The following CHD2 variants were observed in gnomAD, a reference collection of about 807,000 sequenced individuals.
CHD2 encodes chromodomain helicase DNA binding protein 2.
A neutral mutation model predicts 243.9 loss-of-function variants in CHD2; 28 were observed. The observed-to-expected ratio is 0.11, with a 90% CI of 0.09 to 0.16. The LOEUF (loss-of-function observed/expected upper bound fraction) is 0.16, where lower values mean the gene tolerates loss of function less well. Among genes scored for constraint, CHD2 ranks in the 10% least tolerant of loss-of-function variants. The pLI is 1.00. For missense variants in CHD2, 1,386 were observed against 2,209.8 expected (o/e 0.63, Z 7.47); for synonymous variants, 775 against 779.0 (o/e 0.99, Z 0.09).
At chr15:92,935,015 G>A (rs1446493179) in intron 5 of CHD2, among the ~76,000 whole-genome samples, 1 of 146,694 alleles carries the variant, frequency 6.8e-6, no homozygotes, top group African/African-American at 2.5e-5. Flanking sequence ...GATTTGCTAA[G>A]TTTTTTTTTT....
chr15:92,998,427 G>T lies in CHD2; in HGVS notation c.3886-72G>T. On this transcript the variant is annotated intron_variant, in intron 30 of 38. Coordinates refer to ENST00000394196, the MANE Select transcript of CHD2 (RefSeq NM_001271.4). The surrounding 1 kb of genome is among the most constrained non-coding windows in gnomAD (Gnocchi z 5.1). ...GAAAGGACTGTGCTCAGTTTTTGTTGTCTCTGTTTATCCTGATCCACTAAC... is the reference window on the plus strand; with the variant it reads ...GAAAGGACTGTGCTCAGTTTTTGTTTTCTCTGTTTATCCTGATCCACTAAC... 2.5e-6 allele frequency: 4 copies of T among 1,580,836 alleles called. No homozygotes were observed. Among genetic ancestry groups the T allele is most frequent in the Admixed American group, 1.8e-5 (1 of 56,996 alleles).
intron 2 of CHD2, among the ~76,000 whole-genome samples, chr15:92,907,078 C>G (rs2052637292): frequency 6.6e-6 from 1 of 152,086 alleles, no homozygotes; most frequent in African/African-American, 2.4e-5. Flanking sequence ...TCACATTTGT[C>G]TTATGACCCT....
intron 4 of CHD2, 143 bp downstream of exon 4, chr15:92,927,473 G>A (rs969883268): frequency 1.8e-6 from 1 of 566,870 alleles, no homozygotes; most frequent in African/African-American, 1.9e-5. Context: ...TCTATGACCA[G>A]ATACAGTAAG....
chr15:92,911,038 A>G (rs2052724776), intron 2 of CHD2, among the ~76,000 whole-genome samples: 1 of 152,206 alleles, frequency 6.6e-6, no homozygotes, highest in Admixed American at 6.5e-5. Context: ...AAAATACAGT[A>G]TTACAGTCTT....
chr15:93,010,410 ATTTTTTT>A (rs34163529), intron 35 of CHD2, among the ~76,000 whole-genome samples: 4 of 143,044 alleles, frequency 2.8e-5, no homozygotes, highest in African/African-American at 1.0e-4. Flanking sequence ...ATGACTGGAA[ATTTTTTT>A]TTTTTTTTTT....
chr15:92,918,191 C>T (rs909851492), intron 2 of CHD2, among the ~76,000 whole-genome samples: 3 of 152,142 alleles, frequency 2.0e-5, no homozygotes, highest in African/African-American at 7.2e-5. Flanking sequence ...TTTCAAAGTC[C>T]AGTTCCAAGA....
chr15:92,914,508 T>A (rs1193186090), intron 2 of CHD2, among the ~76,000 whole-genome samples: 1 of 152,238 alleles, frequency 6.6e-6, no homozygotes, highest in Admixed American at 6.5e-5. Flanking sequence ...AGAAGTAGTA[T>A]GCATGATGAG....
Position 92,956,453 on chromosome 15 carries a change from CT to C in CHD2, c.1810-3del. 1 of 1,607,484 alleles carries C rather than the reference CT, an allele frequency of 6.2e-7. No homozygotes were observed. The highest frequency in any genetic ancestry group is 8.5e-7 in the Non-Finnish European group (1 of 1,178,210). On this transcript the variant is annotated splice_region_variant and splice_polypyrimidine_tract_variant and intron_variant, in intron 15 of 38. Transcript: ENST00000394196. ...GGTGGCTCGTTCTGTTTTGTTTTTA[CT>C]TTAGACTGTGCTGGGCAGTATTAAC...
intron 18 of CHD2, 68 bp downstream of exon 18, chr15:92,971,995 A>G (rs2053847663): frequency 2.0e-6 from 3 of 1,490,176 alleles, no homozygotes; most frequent in Non-Finnish European, 2.7e-6. Flanking sequence ...TTTCATCAGA[A>G]TGCTCTATTT....
chr15:92,902,783 C>T (rs909777915), intron 2 of CHD2: 2 of 152,178 alleles, frequency 1.3e-5, no homozygotes, highest in Non-Finnish European at 2.9e-5. Context: ...AGATTCAGCA[C>T]TAAAATTGTT....
At chr15:92,956,384 A>C in intron 15 of CHD2, 75 bp from the exon 16 acceptor site, 1 of 1,010,420 alleles carries the variant, frequency 9.9e-7, no homozygotes, top group Non-Finnish European at 1.5e-6. Context: ...ATTTATACAG[A>C]GATAATTAAC....
intron 34 of CHD2, among the ~76,000 whole-genome samples, chr15:93,006,222 G>A (rs932202167): frequency 2.0e-5 from 3 of 151,048 alleles, no homozygotes; most frequent in African/African-American, 7.3e-5. Flanking sequence ...TGCCTCTCCG[G>A]TTCAAGCAGT....
chr15:92,998,090 A>T lies in CHD2; in HGVS notation c.3886-409A>T. 1.5e-6 allele frequency: 1 copy of T among 678,408 alleles called. No individual in the cohort carries two copies. The highest frequency in any genetic ancestry group is 1.8e-6 in the Non-Finnish European group (1 of 543,892). The allele number at this position is 678,408 out of a possible 1,614,324, so 42.0% of individuals were successfully genotyped here. A position where few individuals can be genotyped will look rare whatever the true frequency, so the allele number is the denominator to read the frequency against. The stretch of plus-strand genomic sequence containing the variant: ...AACAGATCATGTCCTGGCGTAGCTC[A>T]GTGCTCTCCGGCAATGCTCTAAGAA... On this transcript the variant is annotated intron_variant, in intron 30 of 38. Coordinates refer to ENST00000394196, the MANE Select transcript of CHD2 (RefSeq NM_001271.4). This position sits in a 1 kb window ranked among gnomAD's most constrained non-coding sequence, Gnocchi z 5.1.
At position 92,970,928 on chromosome 15, in the gene CHD2, A is replaced by G. The variant is rs141362541; in HGVS notation, c.2190-837A>G. ...CTATTTTGGAGTTTGTGGTTAAGGA[A>G]TATACATGGGTATACATGAATATAT... On this transcript the variant is annotated intron_variant, in intron 17 of 38. Coordinates refer to ENST00000394196, the MANE Select transcript of CHD2 (RefSeq NM_001271.4). Among the ~76,000 whole-genome samples, 242 of 152,356 alleles carry G rather than the reference A, an allele frequency of 1.6e-3. 3 individuals carry two copies. Among genetic ancestry groups the G allele is most frequent in the African/African-American group, 5.5e-3 (230 of 41,580 alleles).
intron 33 of CHD2, among the ~76,000 whole-genome samples, chr15:93,003,481 A>C (rs1365775713): frequency 6.6e-6 from 1 of 152,152 alleles, no homozygotes; most frequent in Non-Finnish European, 1.5e-5. Flanking sequence ...AAAATATTAA[A>C]AAAATAAAAA....
intron 33 of CHD2, 48 bp downstream of exon 33, chr15:93,002,365 C>A: frequency 1.3e-6 from 2 of 1,564,010 alleles, no homozygotes; most frequent in South Asian, 1.2e-5. Context: ...CTTTGCAATT[C>A]GCCATTTGGA....
At chr15:92,974,319 T>C (rs893600307) in intron 19 of CHD2, among the ~76,000 whole-genome samples, 1 of 152,226 alleles carries the variant, frequency 6.6e-6, no homozygotes, top group East Asian at 1.9e-4. Context: ...TTGAACACTT[T>C]ACTATGATTT....
intron 20 of CHD2, among the ~76,000 whole-genome samples, chr15:92,976,310 A>G (rs2053907517): frequency 6.6e-6 from 1 of 152,184 alleles, no homozygotes; most frequent in South Asian, 2.1e-4. Context: ...AAAAAACTAA[A>G]TATTTATTGT....
At chr15:92,909,214 T>C (rs2052682309) in intron 2 of CHD2, among the ~76,000 whole-genome samples, 1 of 152,202 alleles carries the variant, frequency 6.6e-6, no homozygotes, top group African/African-American at 2.4e-5. Flanking sequence ...CTTTAAGCTC[T>C]TGTGGTCGTC....
Sources: gnomAD v4.1 joint callset for allele counts (sites outside exome capture counted in the v4.1 genomes callset) on GRCh38, gnomAD v4.1.1 for gene constraint, Gnocchi (gnomAD v3.1) non-coding constraint, MANE v1.5 for transcripts, NCBI Gene and HGNC (gene_info 2026-07-23, HGNC 2026-07-21) for gene names.